CELF2: variants seen among roughly 807,000 people sequenced by gnomAD.
CELF2 encodes the protein CUGBP Elav-like family member 2.
Under a neutral mutation model 62.6 loss-of-function variants are expected in CELF2, and 8 were observed. The observed-to-expected ratio is 0.13, with a 90% confidence interval of 0.07 to 0.23. The LOEUF is 0.23. CELF2 is among the 10% of genes least tolerant of loss of function. CELF2 has a pLI of 1.00. For missense variants in CELF2, 333 were observed against 671.0 expected, an observed-to-expected ratio of 0.50 and a Z score of 5.56; for synonymous variants, 258 against 250.0, an observed-to-expected ratio of 1.03 and a Z score of -0.30.
chr10:10,915,655 G>C (rs1024304959), intron 1 of CELF2, among the ~76,000 whole-genome samples: 1 of 152,144 alleles, frequency 6.6e-6, no homozygotes, highest in African/African-American at 2.4e-5. Flanking sequence ...GACTGGTTTT[G>C]AACTCCTGGG....
At chr10:11,288,888 G>T (rs138270812) in intron 9 of CELF2, among the ~76,000 whole-genome samples, 3 of 152,192 alleles carry the variant, frequency 2.0e-5, no homozygotes, top group East Asian at 1.9e-4. Context: ...GTCTTTCTTT[G>T]TCCTGCCCTT....
intron 1 of CELF2, among the ~76,000 whole-genome samples, chr10:10,874,916 G>T (rs950300207): frequency 6.6e-6 from 1 of 152,086 alleles, no homozygotes; most frequent in Admixed American, 6.6e-5. Context: ...ATTTAATTTT[G>T]ATCTGTTTTA....
At chr10:11,097,970 C>T (rs2050369519) in intron 1 of CELF2, 1 of 152,380 alleles carries the variant, frequency 6.6e-6, no homozygotes, top group South Asian at 2.1e-4. Flanking sequence ...CTGGATGCCA[C>T]CCTGCAGGGA....
the CELF2 span, among the ~76,000 whole-genome samples, chr10:10,620,366 C>G: frequency 2.2e-4 from 33 of 148,728 alleles, no homozygotes; most frequent in East Asian, 1.2e-3. Context: ...TCGCTTGAAC[C>G]CAGGAGGCGG....
At chr10:11,194,052 T>G (rs2056749747) in intron 2 of CELF2, among the ~76,000 whole-genome samples, 2 of 152,136 alleles carry the variant, frequency 1.3e-5, no homozygotes, top group Non-Finnish European at 2.9e-5. Context: ...GTATTTTTAC[T>G]TTTTAAAAAT....
chr10:10,836,332 G>A (rs2058284339), intron 1 of CELF2, among the ~76,000 whole-genome samples: 1 of 152,160 alleles, frequency 6.6e-6, no homozygotes, highest in Admixed American at 6.5e-5. Flanking sequence ...CAGGAAGGGT[G>A]GTGTTACGGA....
the CELF2 span, among the ~76,000 whole-genome samples, chr10:10,536,307 C>T: frequency 3.9e-5 from 6 of 152,178 alleles, no homozygotes; most frequent in Admixed American, 1.3e-4. Flanking sequence ...CATGAGCCAC[C>T]ATGCCCAGAC....
chr10:10,542,250 A>T, the CELF2 span, among the ~76,000 whole-genome samples: 3 of 152,324 alleles, frequency 2.0e-5, no homozygotes, highest in Admixed American at 6.5e-5. Flanking sequence ...GGAAACTGAG[A>T]TATAGAGGGT....
intron 1 of CELF2, among the ~76,000 whole-genome samples, chr10:11,050,900 CT>C (rs2140037125): frequency 6.6e-6 from 1 of 152,340 alleles, no homozygotes; most frequent in South Asian, 2.1e-4. Context: ...CACTGGGCCT[CT>C]TGTTTGCCTG....
the CELF2 span, among the ~76,000 whole-genome samples, chr10:10,740,173 T>TTTG: frequency 7.1e-6 from 1 of 140,064 alleles, no homozygotes; most frequent in African/African-American, 2.6e-5. Context: ...TTTTTTTTTT[T>TTTG]GCCTGTCCAA....
At chr10:10,680,651 G>A in the CELF2 span, among the ~76,000 whole-genome samples, 9 of 152,278 alleles carry the variant, frequency 5.9e-5, no homozygotes, top group South Asian at 2.1e-4. Context: ...CTTGGATAGC[G>A]CGTGGCCCAA....
chr10:10,635,150 A>G, the CELF2 span, among the ~76,000 whole-genome samples: 1 of 152,162 alleles, frequency 6.6e-6, no homozygotes, highest in African/African-American at 2.4e-5. Context: ...AGATAATTCT[A>G]CTGCATCCCT....
Position 11,005,646 on chromosome 10 carries a change from G to C in CELF2, c.53+206G>C, listed in dbSNP as rs1045931618. On this transcript the variant is annotated intron_variant, in intron 1 of 12. Transcript: ENST00000416382. The surrounding 1 kb of genome is among the most constrained non-coding windows in gnomAD (Gnocchi z 4.3). ...AGCGAGAGAAAGGCGGAGGACTGCC[G>C]TGAATTCTATTTGTACTAGTTGCCT... is the stretch of plus-strand genomic sequence containing the variant. Among the ~76,000 whole-genome samples, 1 of 152,152 alleles carries C rather than the reference G, an allele frequency of 6.6e-6. No homozygotes were observed. The highest frequency in any genetic ancestry group is 2.4e-5 in the African/African-American group (1 of 41,416).
At chr10:11,273,049 G>A (rs1402118129) in intron 7 of CELF2, among the ~76,000 whole-genome samples, 2 of 152,070 alleles carry the variant, frequency 1.3e-5, no homozygotes, top group Admixed American at 1.3e-4. Flanking sequence ...CCTCTTCCCC[G>A]CTCTCTTCCT....
At chr10:11,240,667 C>G (rs759934310) in intron 3 of CELF2, among the ~76,000 whole-genome samples, 9 of 152,074 alleles carry the variant, frequency 5.9e-5, no homozygotes, top group Non-Finnish European at 8.8e-5. Flanking sequence ...AAAACCCAAA[C>G]AGTAATTTTT....
chr10:10,798,339 C>G (rs569954344), upstream of CELF2: 1 of 158,972 alleles, frequency 6.3e-6, no homozygotes, highest in East Asian at 1.8e-4. Context: ...GAGAAATACC[C>G]CCAAGGAGGG....
chr10:11,104,998 A>C (rs545208491), intron 1 of CELF2, among the ~76,000 whole-genome samples: 2 of 152,340 alleles, frequency 1.3e-5, no homozygotes, highest in East Asian at 3.9e-4. Flanking sequence ...TCACAGAATG[A>C]AGACCCTGGT....
the CELF2 span, among the ~76,000 whole-genome samples, chr10:10,705,958 C>A: frequency 6.6e-6 from 1 of 152,204 alleles, no homozygotes; most frequent in Non-Finnish European, 1.5e-5. Context: ...CAGGCCCAGC[C>A]TCCACCCTGG....
chr10:11,085,192 A>G (rs1291804), intron 1 of CELF2, among the ~76,000 whole-genome samples: 36,040 of 152,176 alleles, frequency 0.24, 5,748 homozygotes, highest in African/African-American at 0.46. Context: ...AAGGTTTAGT[A>G]GATACTGTCG....
Sources: allele counts gnomAD v4.1 joint callset (sites outside exome capture counted in the v4.1 genomes callset), GRCh38; gene constraint gnomAD v4.1.1; non-coding constraint Gnocchi (gnomAD v3.1); transcripts MANE v1.5; gene names NCBI Gene and HGNC (gene_info 2026-07-23, HGNC 2026-07-21).